Variants in C19orf38 observed in about 807,000 individuals in gnomAD.
The protein encoded by C19orf38 is protein HIDE1.
C19orf38 carries 14 observed loss-of-function variants against 26.6 expected under a neutral mutation model. The ratio of observed to expected loss-of-function variants is 0.53; its 90% CI spans 0.35 to 0.82. The LOEUF (loss-of-function observed/expected upper bound fraction) is 0.82. C19orf38 is among the 40% of genes least tolerant of loss of function. The pLI, the probability that C19orf38 is intolerant of heterozygous loss-of-function variation, is 0.01. For missense variants in C19orf38, 261 were observed against 299.5 expected (o/e 0.87, Z 0.95); for synonymous variants, 132 against 128.5 (o/e 1.03, Z -0.18).
At chr19:10,856,567 G>A (rs896363068) in intron 3 of C19orf38, among the ~76,000 whole-genome samples, 4 of 151,926 alleles carry the variant, frequency 2.6e-5, no homozygotes, top group Non-Finnish European at 4.4e-5. Flanking sequence ...GCAGTGGCAC[G>A]ATCTCGGCCC....
intron 1 of C19orf38, among the ~76,000 whole-genome samples, chr19:10,839,148 G>T (rs184043241): frequency 1.3e-5 from 2 of 152,058 alleles, no homozygotes; most frequent in Admixed American, 6.6e-5. Context: ...CTCATGATCC[G>T]CCCACCTTGG....
intron 5 of C19orf38, among the ~76,000 whole-genome samples, chr19:10,862,201 GTTTT>G (rs566409872): frequency 5.0e-5 from 6 of 120,908 alleles, no homozygotes; most frequent in African/African-American, 1.9e-4. Flanking sequence ...CGCCCAGCCT[GTTTT>G]TTTTTTTTTT....
At chr19:10,859,885 CCT>C in intron 4 of C19orf38, 28 bp from the exon 5 acceptor site, 1 of 1,549,474 alleles carries the variant, frequency 6.5e-7, no homozygotes, top group Non-Finnish European at 8.7e-7. Context: ...AACCCTGATC[CCT>C]GTCACTTTCT....
Position 10,837,479 on chromosome 19 carries a change from CT to C in C19orf38, c.-69+720del, listed in dbSNP as rs1212470227. 1.2e-3 allele frequency among the ~76,000 whole-genome samples: 81 copies of C among 66,438 alleles called. No individual in the cohort carries two copies. The East Asian group carries it at 0.02, about 17-fold the overall frequency. 43.6% of individuals were successfully genotyped at this position (66,438 alleles called of 152,430 possible). ...ACGGGTGACTCCTTTTCTTTTTTTT[CT>C]TTTTTTTTTTAATTTTTTTTTCCTT... is the stretch of plus-strand genomic sequence containing the variant. On this transcript the variant is annotated intron_variant, in intron 1 of 7. Coordinates refer to the C19orf38 transcript ENST00000592854.
chr19:10,845,160 C>CA (rs200149496), upstream of C19orf38, among the ~76,000 whole-genome samples: 4,730 of 122,130 alleles, frequency 0.039, 395 homozygotes, highest in East Asian at 0.39. Context: ...ACCTTGTCTC[C>CA]AAAAAAAAAA....
chr19:10,859,032 C>T (rs1300627774), intron 4 of C19orf38, among the ~76,000 whole-genome samples: 4 of 149,954 alleles, frequency 2.7e-5, no homozygotes, highest in Admixed American at 6.7e-5. Flanking sequence ...CTGCCTCCTG[C>T]GTTCAAGCAG....
In C19orf38 at chr19:10,850,507, G is replaced by A. The variant is rs908803116; in HGVS notation, c.280G>A (p.Gly94Ser). The change falls in exon 2 of 7, where the codon GGT (glycine) becomes AGT (serine). Residue 94 changes from glycine to serine, a missense_variant. By Grantham distance (56) the Gly-to-Ser change is moderately conservative. Transcript: ENST00000397820. Reference protein sequence around the residue: ...GPFHCQYGVLGELNQSQLSDL... With the variant: ...GPFHCQYGVLSELNQSQLSDL... ...CTTCCACTGCCAGTATGGAGTGTTA[G>A]GTGAGCTCAACCAGTCCCAGCTGTC... is the stretch of plus-strand genomic sequence containing the variant. The A allele has an allele frequency of 1.9e-6, 3 of 1,551,648 alleles. No homozygotes were observed. Among genetic ancestry groups the A allele is most frequent in the Non-Finnish European group, 1.7e-6 (2 of 1,146,982 alleles).
At chr19:10,836,804 G>T (rs974234356) in intron 1 of C19orf38, 1 of 152,522 alleles carries the variant, frequency 6.6e-6, no homozygotes, top group Admixed American at 6.5e-5. Context: ...CCACCCTGTA[G>T]TGCGGCTGTG....
chr19:10,860,497 T>C (rs1012019499), intron 5 of C19orf38, among the ~76,000 whole-genome samples: 18 of 127,132 alleles, frequency 1.4e-4, no homozygotes, highest in African/African-American at 5.5e-4. Flanking sequence ...ATTGCGCCAC[T>C]GCACTCTAGC....
chr19:10,837,865 T>G (rs570718595), intron 1 of C19orf38, among the ~76,000 whole-genome samples: 25 of 152,028 alleles, frequency 1.6e-4, no homozygotes, highest in African/African-American at 6.0e-4. Flanking sequence ...AGTGACGCCA[T>G]CATGGCTCAC....
chr19:10,856,827 C>T (rs569790577), intron 3 of C19orf38, among the ~76,000 whole-genome samples: 31 of 152,012 alleles, frequency 2.0e-4, no homozygotes, highest in African/African-American at 7.5e-4. Context: ...TTTGGAGACT[C>T]AGTCTGTCAC....
chr19:10,861,012 G>A (rs59638322), intron 5 of C19orf38, among the ~76,000 whole-genome samples: 5,975 of 151,690 alleles, frequency 0.039, 464 homozygotes, highest in East Asian at 0.36. Context: ...GCATGGTGGC[G>A]TGTTCCTGTA....
chr19:10,845,712 C>T (rs1414993736), upstream of C19orf38, among the ~76,000 whole-genome samples: 1 of 151,036 alleles, frequency 6.6e-6, no homozygotes, highest in East Asian at 2.0e-4. Flanking sequence ...ACCCCATCTC[C>T]ACTAAAAATA....
chr19:10,856,238 C>T (rs1389070120), intron 2 of C19orf38, 27 bp from the exon 3 acceptor site: 3 of 1,532,558 alleles, frequency 2.0e-6, no homozygotes, highest in South Asian at 2.4e-5. Flanking sequence ...ACTGACCTGC[C>T]CACTCTCTTT....
rs2073783740 is a variant in C19orf38, at chr19:10,869,557, A to C, written c.*190A>C. Reference sequence around the variant, plus strand: ...GACACAGGCATGGGCCTGGCACTATACAGACAACAGGAAGTTCCCCTCTCG... The same window carrying C: ...GACACAGGCATGGGCCTGGCACTATCCAGACAACAGGAAGTTCCCCTCTCG... On this transcript the variant is annotated 3_prime_UTR_variant, in exon 7 of 7. Coordinates refer to ENST00000397820, the MANE Select transcript of C19orf38 (RefSeq NM_001136482.3). The C allele has an allele frequency of 1.4e-5, 11 of 780,228 alleles. 1 individual carries two copies. In the South Asian group the frequency reaches 2.2e-4, roughly 16 times the overall value. 48.3% of individuals were successfully genotyped at this position (780,228 alleles called of 1,614,324 possible).
chr19:10,854,364 C>CA (rs1247633428), intron 2 of C19orf38, among the ~76,000 whole-genome samples: 6 of 151,926 alleles, frequency 3.9e-5, no homozygotes, highest in African/African-American at 4.8e-5. Context: ...GCGCCTGGCC[C>CA]AAAAAAACTT....
At chr19:10,841,143 CATATT>C (rs979867073) in intron 1 of C19orf38, among the ~76,000 whole-genome samples, 6 of 151,308 alleles carry the variant, frequency 4.0e-5, no homozygotes, top group South Asian at 2.1e-4. Context: ...TTTTTAAACA[CATATT>C]ATAGAGAGGA....
At chr19:10,856,236 G>C in intron 2 of C19orf38, 29 bp from the exon 3 acceptor site, 1 of 1,528,688 alleles carries the variant, frequency 6.5e-7, no homozygotes, top group Non-Finnish European at 8.9e-7. Flanking sequence ...ACACTGACCT[G>C]CCCACTCTCT....
At chr19:10,861,584 CT>C (rs1010313181) in intron 5 of C19orf38, among the ~76,000 whole-genome samples, 27 of 146,640 alleles carry the variant, frequency 1.8e-4, no homozygotes, top group Admixed American at 2.7e-4. Context: ...TGATGTTTTT[CT>C]TTTTTTTTTT....
Sources: gnomAD v4.1 joint callset for allele counts (sites outside exome capture counted in the v4.1 genomes callset) on GRCh38, gnomAD v4.1.1 for gene constraint, MANE v1.5 for transcripts, NCBI Gene and HGNC (gene_info 2026-07-23, HGNC 2026-07-21) for gene names.